The following NYAP2 variants were observed in gnomAD, a reference collection of about 807,000 sequenced individuals.
The protein encoded by NYAP2 is neuronal tyrosine-phosphorylated phosphoinositide-3-kinase adapter 2.
NYAP2 carries 23 observed loss-of-function variants against 50.4 expected under a neutral mutation model. The ratio of observed to expected loss-of-function variants is 0.46; its 90% CI spans 0.33 to 0.65. The LOEUF (loss-of-function observed/expected upper bound fraction) is 0.65, where lower values mean the gene tolerates loss of function less well. NYAP2 is among the 30% of genes least tolerant of loss of function. NYAP2 has a pLI of 0.02. For missense variants in NYAP2, 885 were observed against 861.0 expected (o/e 1.03, Z -0.35); for synonymous variants, 394 against 365.2 (o/e 1.08, Z -0.90).
chr2:225,574,214 A>C (rs1012364058), intron 4 of NYAP2, among the ~76,000 whole-genome samples: 1 of 152,194 alleles, frequency 6.6e-6, no homozygotes, highest in African/African-American at 2.4e-5. Context: ...AGTACAGTTT[A>C]TCTGCAACCG....
intron 4 of NYAP2, among the ~76,000 whole-genome samples, chr2:225,542,929 G>T (rs1158964107): frequency 6.6e-6 from 1 of 151,938 alleles, no homozygotes; most frequent in African/African-American, 2.4e-5. Context: ...TTGTGTTATG[G>T]CTTTGATCTT....
intron 6 of NYAP2, among the ~76,000 whole-genome samples, chr2:225,631,074 G>A (rs1215641917): frequency 1.3e-5 from 2 of 152,186 alleles, no homozygotes; most frequent in Non-Finnish European, 2.9e-5. Context: ...AAATTCAGAT[G>A]ACACCCTGGG....
intron 4 of NYAP2, among the ~76,000 whole-genome samples, chr2:225,537,347 C>G (rs1574665178): frequency 6.6e-6 from 1 of 152,018 alleles, no homozygotes; most frequent in Non-Finnish European, 1.5e-5. Context: ...TGTTTTCACA[C>G]TGCTGATAAA....
At chr2:225,606,108 C>A (rs1692781357) in intron 5 of NYAP2, among the ~76,000 whole-genome samples, 1 of 152,060 alleles carries the variant, frequency 6.6e-6, no homozygotes, top group African/African-American at 2.4e-5. Context: ...ATCATTGAGT[C>A]TAAATTCCTC....
chr2:225,534,555 C>T (rs1406043339), intron 4 of NYAP2, among the ~76,000 whole-genome samples: 1 of 152,058 alleles, frequency 6.6e-6, no homozygotes, highest in Non-Finnish European at 1.5e-5. Context: ...GGAAGATGAT[C>T]AGTGCAATAG....
At chr2:225,465,584 C>T (rs1472223904) in intron 3 of NYAP2, among the ~76,000 whole-genome samples, 1 of 152,008 alleles carries the variant, frequency 6.6e-6, no homozygotes, top group Admixed American at 6.5e-5. Flanking sequence ...GGCATGGTGG[C>T]GGGCGCCTGT....
chr2:225,497,778 A>T (rs773985839), intron 3 of NYAP2, among the ~76,000 whole-genome samples: 1 of 152,054 alleles, frequency 6.6e-6, no homozygotes, highest in East Asian at 1.9e-4. Context: ...ATGTACATGC[A>T]TGTGTGTGTG....
chr2:225,640,617 G>T (rs1399232024), intron 6 of NYAP2, among the ~76,000 whole-genome samples: 2 of 152,038 alleles, frequency 1.3e-5, no homozygotes, highest in Non-Finnish European at 2.9e-5. Flanking sequence ...CTAGGAAGGT[G>T]GTTAGCTAAA....
chr2:225,613,457 C>A (rs1692934416), intron 5 of NYAP2, among the ~76,000 whole-genome samples: 1 of 152,152 alleles, frequency 6.6e-6, no homozygotes, highest in South Asian at 2.1e-4. Context: ...ATGTCAGTCC[C>A]CTCTGGCAAC....
At chr2:225,584,388 T>C (rs1692354187) in intron 5 of NYAP2, among the ~76,000 whole-genome samples, 1 of 152,234 alleles carries the variant, frequency 6.6e-6, no homozygotes, top group Admixed American at 6.5e-5. Flanking sequence ...AACACCTTTA[T>C]GAGTATTAAA....
chr2:225,453,497 A>G (rs1424054588), intron 3 of NYAP2, among the ~76,000 whole-genome samples: 1 of 152,190 alleles, frequency 6.6e-6, no homozygotes, highest in East Asian at 1.9e-4. Context: ...ATATAGCAAA[A>G]AATCAAAATG....
chr2:225,637,892 G>T (rs1012287456), intron 6 of NYAP2, among the ~76,000 whole-genome samples: 4 of 152,060 alleles, frequency 2.6e-5, no homozygotes, highest in African/African-American at 4.8e-5. Context: ...AAATGCAAAA[G>T]GCTAATTACA....
chr2:225,688,130 C>G, the NYAP2 span, among the ~76,000 whole-genome samples: 46 of 152,192 alleles, frequency 3.0e-4, no homozygotes, highest in African/African-American at 8.7e-4. Context: ...AGCCAAAGGG[C>G]CAAGGATTGA....
chr2:225,626,660 G>T (rs1014703217), intron 5 of NYAP2, among the ~76,000 whole-genome samples: 1 of 152,120 alleles, frequency 6.6e-6, no homozygotes, highest in Non-Finnish European at 1.5e-5. Flanking sequence ...GAGCCCAAGG[G>T]AAGAGTTACT....
intron 2 of NYAP2, among the ~76,000 whole-genome samples, chr2:225,406,928 GA>G (rs1048466541): frequency 6.6e-6 from 1 of 151,866 alleles, no homozygotes; most frequent in South Asian, 2.1e-4. Flanking sequence ...AAAACTTAAG[GA>G]AAAAAATTAA....
At chr2:225,622,069 T>C (rs1002398261) in intron 5 of NYAP2, among the ~76,000 whole-genome samples, 1 of 152,202 alleles carries the variant, frequency 6.6e-6, no homozygotes, top group Non-Finnish European at 1.5e-5. Flanking sequence ...TCTCAGTCTG[T>C]TGCCCAGCCT....
At chr2:225,438,176 C>T (rs1283984724) in intron 3 of NYAP2, among the ~76,000 whole-genome samples, 1 of 152,134 alleles carries the variant, frequency 6.6e-6, no homozygotes, top group Non-Finnish European at 1.5e-5. Context: ...TGCCCAGTAC[C>T]ACATATCTAG....
chr2:225,501,613 A>G (rs1690610076), intron 3 of NYAP2, among the ~76,000 whole-genome samples: 1 of 152,206 alleles, frequency 6.6e-6, no homozygotes, highest in African/African-American at 2.4e-5. Context: ...GCATTCCATC[A>G]TACATTTTTT....
intron 3 of NYAP2, among the ~76,000 whole-genome samples, chr2:225,475,950 A>G (rs1690097283): frequency 6.6e-6 from 1 of 152,218 alleles, no homozygotes; most frequent in South Asian, 2.1e-4. Flanking sequence ...CCAGAACTGC[A>G]GAGATTAGAT....
Sources: allele counts gnomAD v4.1 joint callset (sites outside exome capture counted in the v4.1 genomes callset), GRCh38; gene constraint gnomAD v4.1.1; transcripts MANE v1.5; gene names NCBI Gene and HGNC (gene_info 2026-07-23, HGNC 2026-07-21).